Variants in CARMIL2 observed in about 807,000 individuals in gnomAD.
The protein encoded by CARMIL2 is capping protein regulator and myosin 1 linker 2, also known as capping protein, Arp2/3 and myosin-I linker protein 2.
CARMIL2 carries 96 observed loss-of-function variants against 173.3 expected under a neutral mutation model. That is an observed-to-expected ratio of 0.55 (90% CI 0.47 to 0.66). The LOEUF is 0.66. Ranked by LOEUF, CARMIL2 falls within the 30% of genes least tolerant of loss-of-function variation. The probability of loss-of-function intolerance (pLI) is 0.00; values close to 1 mark genes in which losing one functional copy is unlikely to be tolerated. For missense variants in CARMIL2, 1,771 were observed against 1,906.7 expected (o/e 0.93, Z 1.33); for synonymous variants, 830 against 817.1 (o/e 1.02, Z -0.27).
Position 67,647,759 on chromosome 16 carries a change from A to G in CARMIL2, c.951A>G (p.Thr317=). ...TCAGCCTGGCCCAGACAGGGTTGAC[A>G]CCGCGAGGTAGGCTGGATGAGGGAG... is the stretch of plus-strand genomic sequence containing the variant. ...RRLSLAQTGL[T]PRGMRALGRA... is the part of the protein sequence containing the mutation. The change falls in exon 12 of 38, where the codon ACA becomes ACG. Residue 317 remains threonine (T), a synonymous_variant. Coordinates refer to ENST00000334583, the MANE Select transcript of CARMIL2 (RefSeq NM_001013838.3). 1 of 1,126,028 alleles carries G rather than the reference A, an allele frequency of 8.9e-7. No homozygotes were observed. The highest frequency in any genetic ancestry group is 1.8e-5 in the African/African-American group (1 of 54,888). The allele number at this position is 1,126,028 out of a possible 1,614,324, so 69.8% of individuals were successfully genotyped here.
Position 67,646,918 on chromosome 16 carries a change from C to T in CARMIL2, c.556C>T (p.His186Tyr), listed in dbSNP as rs1398810602. 15 of 1,613,538 alleles carry T rather than the reference C, an allele frequency of 9.3e-6. No individual in the cohort carries two copies. The East Asian group carries it at 2.4e-4, about 26-fold the overall frequency. The change falls in exon 8 of 38, where the codon CAT becomes TAT. Residue 186 changes from histidine to tyrosine, a missense_variant. This residue lies in a region of CARMIL2 where 944 missense variants were observed against 975.6 expected (regional missense o/e 0.97). Coordinates refer to ENST00000334583, the MANE Select transcript of CARMIL2 (RefSeq NM_001013838.3). This position sits in a 1 kb window ranked among gnomAD's most constrained non-coding sequence, Gnocchi z 4.6. Reference sequence around the variant, plus strand: ...CACCCAGGACGTGGACACCATTTACCATCGCCAGGGCTGCCGCCATTTCAG... The same window carrying T: ...CACCCAGGACGTGGACACCATTTACTATCGCCAGGGCTGCCGCCATTTCAG... The part of the protein sequence containing the change: ...EIQWDVDTIY[H>Y]RQGCRHFSLG...
intron 29 of CARMIL2, 59 bp from the exon 30 acceptor site, chr16:67,654,090 G>GGC: frequency 9.0e-7 from 1 of 1,105,432 alleles, no homozygotes; most frequent in Admixed American, 2.3e-5. Context: ...CGGGGGGGGG[G>GGC]GGGGGTAGAA....
rs771766901 is a variant in CARMIL2 at position 67,647,586 on chromosome 16, C to T, written c.855C>T (p.Asn285=). 1.9e-6 allele frequency: 3 copies of T among 1,610,886 alleles called. No individual in the cohort carries two copies. The highest frequency in any genetic ancestry group is 1.1e-5 in the South Asian group (1 of 90,444). The change falls in exon 11 of 38, where the codon AAC becomes AAT. Residue 285 remains asparagine, a synonymous_variant. Transcript: ENST00000334583. The part of the protein sequence containing the change: ...SGLRELSLAG[N]LLDDRGMTAL... Reference sequence around the variant, plus strand: ...TGCGGGAGCTCAGCCTCGCGGGGAACCTGCTGGATGACCGAGGTATGACTG... The same window carrying T: ...TGCGGGAGCTCAGCCTCGCGGGGAATCTGCTGGATGACCGAGGTATGACTG...
intron 32 of CARMIL2, 102 bp downstream of exon 32, chr16:67,655,002 T>G (rs1417350193): frequency 6.9e-7 from 1 of 1,450,498 alleles, no homozygotes; most frequent in Admixed American, 2.0e-5. Flanking sequence ...TAGGTCTAAT[T>G]GTCAGTTCTA....
In CARMIL2 at chr16:67,651,055, G is replaced by C; in HGVS notation, c.2185-132G>C. The C allele has an allele frequency of 1.0e-6, 1 of 987,360 alleles. No homozygotes were observed. The allele number at this position is 987,360 out of a possible 1,614,324, so 61.2% of individuals were successfully genotyped here. A position where few individuals can be genotyped will look rare whatever the true frequency, so the allele number is the denominator to read the frequency against. On this transcript the variant is annotated intron_variant, in intron 22 of 37. Coordinates refer to ENST00000334583, the MANE Select transcript of CARMIL2 (RefSeq NM_001013838.3). The surrounding 1 kb of genome is among the most constrained non-coding windows in gnomAD (Gnocchi z 4.2). ...AGTTCCTTCCCTCCTTGAACAGATA[G>C]GGTTCCAAAGTGGCTGGTCTAAGGG...
In CARMIL2 at chr16:67,649,225, T is replaced by A. The variant is rs2052667249; in HGVS notation, c.1689-29T>A. ...CCCAGACAACACCCCACCACCCCTG[T>A]CCCCCACAACTGCGGCCCCTGCCCA... On this transcript the variant is annotated intron_variant, in intron 18 of 37. Transcript: ENST00000334583. This position sits in a 1 kb window ranked among gnomAD's most constrained non-coding sequence, Gnocchi z 6.7. 1.2e-6 allele frequency: 2 copies of A among 1,612,962 alleles called. No individual in the cohort carries two copies. The highest frequency in any genetic ancestry group is 1.7e-6 in the Non-Finnish European group (2 of 1,179,526).
rs371923602 is a variant in CARMIL2, at chr16:67,657,474, C to T, written c.4264C>T (p.Pro1422Ser). ...TEPSSPERSP[P>S]SPATDQRGGG... ...GCCCTCCAGCCCTGAGCGGAGCCCA[C>T]CCTCCCCAGCCACAGACCAAAGAGG... is the stretch of plus-strand genomic sequence containing the variant. Residue 1422 changes from proline to serine, a missense_variant, in exon 38 of 38, where the codon CCC (proline) becomes TCC (serine). By Grantham distance (74) the Pro-to-Ser change is moderately conservative. Coordinates refer to ENST00000334583, the MANE Select transcript of CARMIL2 (RefSeq NM_001013838.3). The surrounding 1 kb of genome is among the most constrained non-coding windows in gnomAD (Gnocchi z 4.5). 30 of 1,612,066 alleles carry T rather than the reference C, an allele frequency of 1.9e-5. No individual in the cohort carries two copies. Among genetic ancestry groups the T allele is most frequent in the Non-Finnish European group, 2.5e-5 (30 of 1,179,126 alleles).
At position 67,648,435 on chromosome 16, in the gene CARMIL2, C is replaced by T. The variant is rs1170922415; in HGVS notation, c.1372C>T (p.Leu458Phe). The change falls in exon 15 of 38, where the codon CTC becomes TTC. Residue 458 changes from leucine to phenylalanine, a missense_variant. Leu to Phe is a conservative substitution (Grantham distance 22). Transcript: ENST00000334583. This position sits in a 1 kb window ranked among gnomAD's most constrained non-coding sequence, Gnocchi z 6.1. ...CGCGCCGGCCGCGCTGCAGCTCTTC[C>T]TCAGCCGCGCGCGGACGCTGCGGCA... is the stretch of plus-strand genomic sequence containing the variant. ...RAAPAALQLF[L>F]SRARTLRHLG... The T allele has an allele frequency of 2.0e-6, 3 of 1,505,400 alleles. No individual in the cohort carries two copies. The highest frequency in any genetic ancestry group is 1.8e-6 in the Non-Finnish European group (2 of 1,134,154). The allele number at this position is 1,505,400 out of a possible 1,614,324, so 93.3% of individuals were successfully genotyped here.
chr16:67,655,813 A>AAAACAAAAAACAAAAAC (rs1219355697), intron 32 of CARMIL2, among the ~76,000 whole-genome samples: 3 of 152,130 alleles, frequency 2.0e-5, no homozygotes, highest in African/African-American at 7.2e-5. Flanking sequence ...AATATCTTAA[A>AAAACAAAAAACAAAAAC]AAACAAAAAA....
In CARMIL2 at chr16:67,649,417, C is replaced by T; in HGVS notation, c.1747-30C>T. On this transcript the variant is annotated intron_variant, in intron 19 of 37. Transcript: ENST00000334583. The surrounding 1 kb of genome is among the most constrained non-coding windows in gnomAD (Gnocchi z 6.7). The stretch of plus-strand genomic sequence containing the variant: ...ACCTGCCCTCACTGACCCCTGACTC[C>T]AGCCATCAATGGCTTTCTCTTAACC... The T allele has an allele frequency of 6.2e-7, 1 of 1,611,576 alleles. No homozygotes were observed. Among genetic ancestry groups the T allele is most frequent in the Non-Finnish European group, 8.5e-7 (1 of 1,179,780 alleles).
intron 32 of CARMIL2, 138 bp downstream of exon 32, chr16:67,655,038 G>T: frequency 8.2e-7 from 1 of 1,225,782 alleles, no homozygotes; most frequent in African/African-American, 1.5e-5. Context: ...AATGGTTACA[G>T]ATTCGACCTT....
At position 67,652,815 on chromosome 16, in the gene CARMIL2, C is replaced by G; in HGVS notation, c.2885-204C>G. 1 of 280,640 alleles carries G rather than the reference C, an allele frequency of 3.6e-6. No individual in the cohort carries two copies. The highest frequency in any genetic ancestry group is 6.7e-6 in the Non-Finnish European group (1 of 149,902). The allele number at this position is 280,640 out of a possible 1,614,324, so 17.4% of individuals were successfully genotyped here. ...GGGACGCGCATGCTGGGCGGCGGCGCGGAGCCGCGCGCGCTCGGGGCCGCG... is the reference window on the plus strand; with the variant it reads ...GGGACGCGCATGCTGGGCGGCGGCGGGGAGCCGCGCGCGCTCGGGGCCGCG... On this transcript the variant is annotated intron_variant, in intron 28 of 37. Transcript: ENST00000334583. This position sits in a 1 kb window ranked among gnomAD's most constrained non-coding sequence, Gnocchi z 4.7.
Position 67,657,450 on chromosome 16 carries a change from C to T in CARMIL2, c.4240C>T (p.Pro1414Ser), listed in dbSNP as rs867419351. ...GCCTCTGCCCCCACAGCCCACAGAGCCCTCCAGCCCTGAGCGGAGCCCACC... is the reference window on the plus strand; with the variant it reads ...GCCTCTGCCCCCACAGCCCACAGAGTCCTCCAGCCCTGAGCGGAGCCCACC... ...TEPLPPQPTEPSSPERSPPSP... is the reference protein window; with the variant it reads ...TEPLPPQPTESSSPERSPPSP... Residue 1414 changes from proline to serine, a missense_variant, in exon 38 of 38, where the codon CCC becomes TCC. Physicochemically the swap from Pro to Ser is moderately conservative, Grantham distance 74. Coordinates refer to ENST00000334583, the MANE Select transcript of CARMIL2 (RefSeq NM_001013838.3). This position sits in a 1 kb window ranked among gnomAD's most constrained non-coding sequence, Gnocchi z 4.5. The T allele has an allele frequency of 1.9e-6, 3 of 1,610,804 alleles. No individual in the cohort carries two copies. The highest frequency in any genetic ancestry group is 1.7e-5 in the Admixed American group (1 of 59,446).
intron 1 of CARMIL2, 82 bp downstream of exon 1, chr16:67,645,368 G>C (rs2052574312): frequency 1.3e-6 from 2 of 1,491,538 alleles, no homozygotes; most frequent in East Asian, 4.9e-5. Flanking sequence ...GCGCCCCAGA[G>C]GGCCTGGTCA....
In CARMIL2 at chr16:67,652,297, AG is replaced by A; in HGVS notation, c.2777del (p.Gly926ValfsTer143). On this transcript the variant is annotated frameshift_variant, in exon 27 of 38. Transcript: ENST00000334583. LOFTEE classifies it high-confidence loss of function. The surrounding 1 kb of genome is among the most constrained non-coding windows in gnomAD (Gnocchi z 4.7). ...GCCTCCTTGAGCCTGGGGAATTGGA[AG>A]GTCTTTTCTTCCCCGAGGAGAAGGA... The part of the protein sequence containing the change: ...PSLLEPGELE[G>X]LFFPEEKEEE... The A allele has an allele frequency of 6.2e-7, 1 of 1,613,328 alleles. No homozygotes were observed. Among genetic ancestry groups the A allele is most frequent in the South Asian group, 1.1e-5 (1 of 91,080 alleles).
In CARMIL2 at chr16:67,655,388, C is replaced by T. The variant is rs576513615; in HGVS notation, c.3705+488C>T. 4.6e-5 allele frequency among the ~76,000 whole-genome samples: 7 copies of T among 152,278 alleles called. No homozygotes were observed. The East Asian group carries it at 9.6e-4, about 21-fold the overall frequency. ...CAGGTTGCAGTGAGCCTAGATCGTG[C>T]CACTACACACTAGCCTGGACAACAA... On this transcript the variant is annotated intron_variant, in intron 32 of 37. Coordinates refer to ENST00000334583, the MANE Select transcript of CARMIL2 (RefSeq NM_001013838.3).
chr16:67,654,106 A>T (rs1164385558), intron 29 of CARMIL2, 43 bp from the exon 30 acceptor site: 118 of 798,480 alleles, frequency 1.5e-4, no homozygotes, highest in Non-Finnish European at 2.0e-4. Context: ...TAGAAGCCAG[A>T]GTTGCACTCA....
Position 67,656,084 on chromosome 16 carries a change from G to A in CARMIL2, c.3742+17G>A. Reference sequence around the variant, plus strand: ...GCTCAGATGGTAAGTGGGACCCTGGGGTGTGGCAGTACATTTGCCAGGAGG... The same window carrying A: ...GCTCAGATGGTAAGTGGGACCCTGGAGTGTGGCAGTACATTTGCCAGGAGG... On this transcript the variant is annotated intron_variant, in intron 33 of 37. Coordinates refer to ENST00000334583, the MANE Select transcript of CARMIL2 (RefSeq NM_001013838.3). 3 of 1,607,692 alleles carry A rather than the reference G, an allele frequency of 1.9e-6. No individual in the cohort carries two copies. The highest frequency in any genetic ancestry group is 2.5e-6 in the Non-Finnish European group (3 of 1,176,986).
chr16:67,652,290 A>T lies in CARMIL2; in HGVS notation c.2768A>T (p.Glu923Val). Residue 923 changes from glutamate (E) to valine (V), a missense_variant, in exon 27 of 38, where the codon GAA becomes GTA. By Grantham distance (121) the Glu-to-Val change is moderately radical (BLOSUM62 -2). Around this residue, in one of 3 missense-constraint regions of CARMIL2, gnomAD observed 817 missense variants for 903.5 expected, o/e 0.90. Transcript: ENST00000334583. This position sits in a 1 kb window ranked among gnomAD's most constrained non-coding sequence, Gnocchi z 4.7. The part of the protein sequence containing the change: ...GGEPSLLEPG[E>V]LEGLFFPEEK... ...GAGCCCAGCCTCCTTGAGCCTGGGG[A>T]ATTGGAAGGTCTTTTCTTCCCCGAG... 1 of 1,613,146 alleles carries T rather than the reference A, an allele frequency of 6.2e-7. No homozygotes were observed. Among genetic ancestry groups the T allele is most frequent in the Non-Finnish European group, 8.5e-7 (1 of 1,179,816 alleles).
Sources: gnomAD v4.1 joint callset for allele counts (sites outside exome capture counted in the v4.1 genomes callset) on GRCh38, gnomAD v4.1.1 for gene constraint, gnomAD v4.1.1 regional missense constraint, Gnocchi (gnomAD v3.1) non-coding constraint, MANE v1.5 for transcripts, NCBI Gene and HGNC (gene_info 2026-07-23, HGNC 2026-07-21) for gene names.